WDR59: variants seen among roughly 807,000 people sequenced by gnomAD.
The protein encoded by WDR59 is GATOR2 complex protein WDR59.
WDR59 carries 100 observed loss-of-function variants against 131.2 expected under a neutral mutation model. That is an observed-to-expected ratio of 0.76 (90% CI 0.65 to 0.90). The LOEUF (loss-of-function observed/expected upper bound fraction) is 0.90. WDR59 is among the 40% of genes least tolerant of loss of function. The probability of loss-of-function intolerance (pLI) is 0.00; values close to 1 mark genes in which losing one functional copy is unlikely to be tolerated. For synonymous variants in WDR59, 601 were observed against 466.2 expected, an observed-to-expected ratio of 1.29 and a Z score of -3.72; for missense variants, 1,203 against 1,262.2, an observed-to-expected ratio of 0.95 and a Z score of 0.71.
chr16:74,972,960 C>G (rs1334690813), intron 1 of WDR59, among the ~76,000 whole-genome samples: 1 of 151,758 alleles, frequency 6.6e-6, no homozygotes, highest in Non-Finnish European at 1.5e-5. Context: ...TGGCCAGGCA[C>G]GGTCGCTCAC....
At chr16:74,964,271 C>T (rs548098495) in intron 2 of WDR59, among the ~76,000 whole-genome samples, 237 of 151,156 alleles carry the variant, frequency 1.6e-3, no homozygotes, top group African/African-American at 5.4e-3. Flanking sequence ...CCCAGGTACT[C>T]GGGAGGCTGA....
chr16:74,946,140 C>G (rs931938698), intron 6 of WDR59, among the ~76,000 whole-genome samples: 1 of 152,146 alleles, frequency 6.6e-6, no homozygotes, highest in African/African-American at 2.4e-5. Flanking sequence ...TATTGCGGTA[C>G]AGTGTTACAA....
rs1194254653 is a variant in WDR59, at chr16:74,874,378, C to A, written c.2756G>T (p.Gly919Val). 4 of 1,614,120 alleles carry A rather than the reference C, an allele frequency of 2.5e-6. No homozygotes were observed. The highest frequency in any genetic ancestry group is 3.4e-6 in the Non-Finnish European group (4 of 1,180,028). The change falls in exon 26 of 26, where the codon GGC becomes GTC. Residue 919 changes from glycine (G) to valine (V), a missense_variant. Transcript: ENST00000262144. ...VRGTQCAICK[G>V]FTFQCAICHV... The stretch of plus-strand genomic sequence containing the variant: ...ACAGATGGCACACTGGAACGTGAAG[C>A]CTTTGCAGATGGCACACTGCGTGCC...
At chr16:74,955,035 G>T (rs535569189) in intron 3 of WDR59, among the ~76,000 whole-genome samples, 2 of 152,220 alleles carry the variant, frequency 1.3e-5, no homozygotes, top group African/African-American at 4.8e-5. Flanking sequence ...TTGGGAATTG[G>T]ATAGAGGTGG....
intron 1 of WDR59, among the ~76,000 whole-genome samples, chr16:74,974,818 C>T (rs2034122769): frequency 6.6e-6 from 1 of 152,122 alleles, no homozygotes; most frequent in South Asian, 2.1e-4. Flanking sequence ...ACACATTGTT[C>T]CAGTTACACA....
chr16:74,924,683 T>C (rs1336713782), intron 8 of WDR59, among the ~76,000 whole-genome samples: 1 of 152,218 alleles, frequency 6.6e-6, no homozygotes, highest in Admixed American at 6.5e-5. Flanking sequence ...AACTCCAGCA[T>C]TTGTCACAAA....
chr16:74,975,035 C>CACAA (rs2034130424), intron 1 of WDR59, among the ~76,000 whole-genome samples: 1 of 152,152 alleles, frequency 6.6e-6, no homozygotes, highest in African/African-American at 2.4e-5. Flanking sequence ...GAACCCCCAA[C>CACAA]ACAAGTAGGC....
chr16:74,973,472 G>C (rs1193570152), intron 1 of WDR59, among the ~76,000 whole-genome samples: 1 of 151,978 alleles, frequency 6.6e-6, no homozygotes, highest in African/African-American at 2.4e-5. Context: ...TTTTCTGTAG[G>C]GATGGGGTCT....
At chr16:74,882,788 C>T (rs117671975) in intron 25 of WDR59, among the ~76,000 whole-genome samples, 3,021 of 108,468 alleles carry the variant, frequency 0.028, 56 homozygotes, top group Admixed American at 0.047. Flanking sequence ...CCAGCCTCGG[C>T]GACAGAGCAA....
At chr16:74,928,210 T>G (rs941827593) in intron 8 of WDR59, among the ~76,000 whole-genome samples, 4 of 148,710 alleles carry the variant, frequency 2.7e-5, no homozygotes, top group Non-Finnish European at 4.5e-5. Context: ...CCAGGTTTTT[T>G]TTTTTTTTTT....
At chr16:74,896,620 G>A (rs2144850120) in intron 18 of WDR59, among the ~76,000 whole-genome samples, 1 of 144,866 alleles carries the variant, frequency 6.9e-6, no homozygotes, top group East Asian at 1.9e-4. Context: ...GGGCAACAGA[G>A]CAAGACCCTG....
At chr16:74,943,942 T>A (rs139816642) in intron 6 of WDR59, among the ~76,000 whole-genome samples, 1 of 152,318 alleles carries the variant, frequency 6.6e-6, no homozygotes, top group African/African-American at 2.4e-5. Flanking sequence ...CTAGAACAAA[T>A]GGTGGAGACC....
chr16:74,975,743 G>C (rs751908306), intron 1 of WDR59, among the ~76,000 whole-genome samples: 34 of 151,710 alleles, frequency 2.2e-4, no homozygotes, highest in Non-Finnish European at 3.4e-4. Flanking sequence ...ACTTGCCCAA[G>C]ATCACATGGA....
At chr16:74,982,474 T>C (rs2034464896) in intron 1 of WDR59, among the ~76,000 whole-genome samples, 1 of 152,246 alleles carries the variant, frequency 6.6e-6, no homozygotes, top group South Asian at 2.1e-4. Context: ...CATCCTAATA[T>C]ATGTGTCAGC....
intron 8 of WDR59, among the ~76,000 whole-genome samples, chr16:74,934,061 T>C (rs954499466): frequency 6.6e-6 from 1 of 152,190 alleles, no homozygotes; most frequent in Non-Finnish European, 1.5e-5. Context: ...ATACTCAAAA[T>C]AATTAGATAT....
At chr16:74,973,518 C>T (rs998625099) in intron 1 of WDR59, among the ~76,000 whole-genome samples, 21 of 151,726 alleles carry the variant, frequency 1.4e-4, no homozygotes, top group African/African-American at 1.7e-4. Flanking sequence ...AACCCCTGGG[C>T]TCAAGTGATG....
chr16:74,934,028 C>A (rs2031606080), intron 8 of WDR59, among the ~76,000 whole-genome samples: 1 of 152,160 alleles, frequency 6.6e-6, no homozygotes, highest in African/African-American at 2.4e-5. Context: ...CTATAATTCG[C>A]CCCTCAACTT....
In WDR59 at chr16:74,969,075, G is replaced by A. The variant is rs548301402; in HGVS notation, c.55-3253C>T. The stretch of plus-strand genomic sequence containing the variant: ...ATTCTAGACGTGGGTTAAGAACCAC[G>A]GGACTGTGGAATTTTTGTATGACCA... On this transcript the variant is annotated intron_variant, in intron 1 of 25. Transcript: ENST00000262144. Among the ~76,000 whole-genome samples the A allele has an allele frequency of 1.1e-3, 166 of 152,262 alleles. 2 individuals carry two copies. The highest frequency in any genetic ancestry group is 3.6e-3 in the African/African-American group (150 of 41,566).
At chr16:74,956,711 C>T (rs1044377582) in intron 2 of WDR59, 101 bp from the exon 3 acceptor site, 4 of 1,442,472 alleles carry the variant, frequency 2.8e-6, no homozygotes, top group South Asian at 1.3e-5. Context: ...GCAAGCAGTG[C>T]TCCAAAAAAC....
Sources: gnomAD v4.1 joint callset for allele counts (sites outside exome capture counted in the v4.1 genomes callset) on GRCh38, gnomAD v4.1.1 for gene constraint, MANE v1.5 for transcripts, NCBI Gene and HGNC (gene_info 2026-07-23, HGNC 2026-07-21) for gene names.